COL5A2: variants seen among roughly 807,000 people sequenced by gnomAD.
COL5A2 encodes the protein collagen alpha-2(V) chain.
A neutral mutation model predicts 208.2 loss-of-function variants in COL5A2; 23 were observed. The observed-to-expected ratio is 0.11, with a 90% CI of 0.08 to 0.16. The LOEUF (loss-of-function observed/expected upper bound fraction) is 0.16. COL5A2 is among the 10% of genes least tolerant of loss of function. The pLI, the probability that COL5A2 is intolerant of heterozygous loss-of-function variation, is 1.00. For missense variants in COL5A2, 1,590 were observed against 1,956.4 expected (o/e 0.81, Z 3.53); for synonymous variants, 625 against 628.5 (o/e 0.99, Z 0.08).
the COL5A2 span, among the ~76,000 whole-genome samples, chr2:189,318,027 G>A: frequency 6.6e-6 from 1 of 152,064 alleles, no homozygotes; most frequent in Non-Finnish European, 1.5e-5. Context: ...TTGTTTGTTT[G>A]TTTGTTTTTA....
the COL5A2 span, among the ~76,000 whole-genome samples, chr2:189,423,479 T>G: frequency 6.6e-6 from 1 of 151,496 alleles, no homozygotes. Context: ...GAAAAAACAT[T>G]TAGCTAGACT....
intron 1 of COL5A2, among the ~76,000 whole-genome samples, chr2:189,193,500 T>C (rs930604597): frequency 6.6e-6 from 1 of 152,178 alleles, no homozygotes; most frequent in African/African-American, 2.4e-5. Context: ...AATGCAAAAA[T>C]GACATTTGTT....
At chr2:189,078,668 G>T (rs1686467389) in intron 15 of COL5A2, 99 bp from the exon 16 acceptor site, 1 of 994,522 alleles carries the variant, frequency 1.0e-6, no homozygotes, top group Admixed American at 1.7e-5. Flanking sequence ...CAAGATAATT[G>T]GCCACCAAGC....
At chr2:189,160,467 C>T (rs370702993) in intron 1 of COL5A2, among the ~76,000 whole-genome samples, 2 of 152,010 alleles carry the variant, frequency 1.3e-5, no homozygotes, top group South Asian at 2.1e-4. Context: ...TTTTCTGAAG[C>T]CTATAAACAG....
chr2:189,106,745 T>C (rs1377319925), intron 2 of COL5A2, among the ~76,000 whole-genome samples: 2 of 151,356 alleles, frequency 1.3e-5, no homozygotes, highest in Non-Finnish European at 3.0e-5. Flanking sequence ...TATTGTATTA[T>C]GTTAGTATCA....
intron 2 of COL5A2, among the ~76,000 whole-genome samples, chr2:189,107,373 T>G (rs576962737): frequency 6.6e-6 from 1 of 151,696 alleles, no homozygotes; most frequent in South Asian, 2.1e-4. Context: ...TAAAGGGACC[T>G]CTTAATGATT....
At chr2:189,368,051 A>G in the COL5A2 span, among the ~76,000 whole-genome samples, 1 of 152,060 alleles carries the variant, frequency 6.6e-6, no homozygotes, top group Admixed American at 6.6e-5. Flanking sequence ...CCTTATCCCC[A>G]TTTTTATTAT....
upstream of COL5A2, among the ~76,000 whole-genome samples, chr2:189,229,240 A>C (rs1689452199): frequency 6.6e-6 from 1 of 151,830 alleles, no homozygotes; most frequent in East Asian, 1.9e-4. Flanking sequence ...CTCCAAAATC[A>C]GGAAAAAAAG....
chr2:189,078,756 A>C lies in COL5A2; in HGVS notation c.1006-187T>G, dbSNP rs75648043. Among the ~76,000 whole-genome samples, 122 of 152,306 alleles carry C rather than the reference A, an allele frequency of 8.0e-4. No individual in the cohort carries two copies. The East Asian group carries it at 0.022, about 28-fold the overall frequency. ...ATAAATAACCTATCACCTCTTACAT[A>C]AATAGATTTCACTTAACCTGGCTTT... On this transcript the variant is annotated intron_variant, in intron 15 of 53. Coordinates refer to ENST00000374866, the MANE Select transcript of COL5A2 (RefSeq NM_000393.5).
the COL5A2 span, among the ~76,000 whole-genome samples, chr2:189,321,003 G>A: frequency 1.1e-3 from 164 of 152,274 alleles, no homozygotes; most frequent in Non-Finnish European, 1.7e-3. Flanking sequence ...GAGAGTGGGG[G>A]CCAATATTCA....
At chr2:189,068,934 C>A (rs1179702882) in intron 18 of COL5A2, 50 bp from the exon 19 acceptor site, 5 of 1,272,842 alleles carry the variant, frequency 3.9e-6, no homozygotes, top group Non-Finnish European at 5.7e-6. Context: ...ACGAGAGTGG[C>A]ATTGTACAAA....
the COL5A2 span, among the ~76,000 whole-genome samples, chr2:189,385,072 T>A: frequency 6.6e-6 from 1 of 152,186 alleles, no homozygotes; most frequent in East Asian, 1.9e-4. Context: ...ATTCATATAT[T>A]GTTTTCTCCT....
At chr2:189,395,406 C>A in the COL5A2 span, among the ~76,000 whole-genome samples, 4 of 152,248 alleles carry the variant, frequency 2.6e-5, no homozygotes, top group South Asian at 8.3e-4. Flanking sequence ...TCTTTTTAGG[C>A]ATATACTTGA....
chr2:189,137,210 T>C (rs1466820519), intron 1 of COL5A2, among the ~76,000 whole-genome samples: 2 of 152,228 alleles, frequency 1.3e-5, no homozygotes, highest in Non-Finnish European at 2.9e-5. Context: ...TTGAGTGAAT[T>C]ATCATTGGTC....
intron 21 of COL5A2, among the ~76,000 whole-genome samples, chr2:189,067,148 T>C (rs1426017273): frequency 6.6e-6 from 1 of 152,148 alleles, no homozygotes; most frequent in Non-Finnish European, 1.5e-5. Flanking sequence ...TAGGCTGTAT[T>C]TTAGGATGTG....
At chr2:189,164,085 T>C (rs1022970996) in intron 1 of COL5A2, among the ~76,000 whole-genome samples, 1 of 152,164 alleles carries the variant, frequency 6.6e-6, no homozygotes, top group African/African-American at 2.4e-5. Flanking sequence ...TGAGGGATGA[T>C]AGGACTTTTT....
chr2:189,260,055 G>A, the COL5A2 span, among the ~76,000 whole-genome samples: 1 of 152,148 alleles, frequency 6.6e-6, no homozygotes, highest in South Asian at 2.1e-4. Flanking sequence ...TTTATATATT[G>A]ACTATAGGCA....
the COL5A2 span, among the ~76,000 whole-genome samples, chr2:189,294,090 GAAAAA>G: frequency 2.9e-4 from 14 of 48,214 alleles, no homozygotes; most frequent in Non-Finnish European, 4.1e-4. Context: ...TCCGTCTCAA[GAAAAA>G]AAAAAAAAAA....
intron 1 of COL5A2, among the ~76,000 whole-genome samples, chr2:189,191,170 C>A (rs6723992): frequency 0.99 from 133,231 of 134,944 alleles, 65,794 homozygotes; most frequent in East Asian, 1. Context: ...AAACAAACAA[C>A]AAAAAACAAC....
Sources: gnomAD v4.1 joint callset for allele counts (sites outside exome capture counted in the v4.1 genomes callset) on GRCh38, gnomAD v4.1.1 for gene constraint, MANE v1.5 for transcripts, NCBI Gene and HGNC (gene_info 2026-07-23, HGNC 2026-07-21) for gene names.